Variants in TCERG1 observed in about 807,000 individuals in gnomAD.
TCERG1 encodes transcription elongation regulator 1.
TCERG1 carries 37 observed loss-of-function variants against 144.7 expected under a neutral mutation model. That is an observed-to-expected ratio of 0.26 (90% CI 0.20 to 0.34). The LOEUF (loss-of-function observed/expected upper bound fraction) is 0.34. Ranked by LOEUF, TCERG1 falls within the 10% of genes least tolerant of loss-of-function variation. The pLI is 1.00. For synonymous variants in TCERG1, 492 were observed against 458.2 expected, an observed-to-expected ratio of 1.07 and a Z score of -0.94; for missense variants, 1,027 against 1,380.7, an observed-to-expected ratio of 0.74 and a Z score of 4.06.
Position 146,492,926 on chromosome 5 carries a change from G to T in TCERG1, c.2170G>T (p.Asp724Tyr). Residue 724 changes from aspartate (D) to tyrosine (Y), a missense_variant, in exon 16 of 23, where the codon GAT becomes TAT. This residue lies in a region of TCERG1 where 482 missense variants were observed against 632.6 expected (regional missense o/e 0.76). Transcript: ENST00000679501. ...LNPKERKQVF[D>Y]QYVKTRAEEE... ...TTGTTGATTTTTATAATAGGTGTTT[G>T]ATCAGTATGTAAAGACCAGGGCAGA... 6.2e-7 allele frequency: 1 copy of T among 1,602,794 alleles called. No homozygotes were observed. The highest frequency in any genetic ancestry group is 1.1e-5 in the South Asian group (1 of 89,236).
At chr5:146,449,318 A>G (rs1367988802) in intron 1 of TCERG1, among the ~76,000 whole-genome samples, 3 of 152,232 alleles carry the variant, frequency 2.0e-5, no homozygotes, top group Non-Finnish European at 4.4e-5. Context: ...TTGCTGACCT[A>G]GGTGCTGGTA....
At chr5:146,484,189 T>G (rs1017364854) in intron 15 of TCERG1, among the ~76,000 whole-genome samples, 11 of 152,146 alleles carry the variant, frequency 7.2e-5, no homozygotes, top group African/African-American at 2.7e-4. Flanking sequence ...CTAAGTAGCA[T>G]CTGTTAAAAT....
chr5:146,502,051 C>T (rs1448367693), intron 17 of TCERG1, among the ~76,000 whole-genome samples: 2 of 151,950 alleles, frequency 1.3e-5, no homozygotes, highest in Non-Finnish European at 2.9e-5. Context: ...CCTGCCACCA[C>T]ACCCAGCTAA....
Position 146,459,128 on chromosome 5 carries a change from A to G in TCERG1, c.683A>G (p.Gln228Arg), listed in dbSNP as rs1763114906. 16 of 1,603,272 alleles carry G rather than the reference A, an allele frequency of 1.0e-5. No homozygotes were observed. The highest frequency in any genetic ancestry group is 1.2e-5 in the Non-Finnish European group (14 of 1,171,686). Residue 228 changes from glutamine (Q) to arginine (R), a missense_variant, in exon 4 of 23, where the codon CAG becomes CGG. Physicochemically the swap from Gln to Arg is conservative, Grantham distance 43 (BLOSUM62 1). Coordinates refer to ENST00000679501, the MANE Select transcript of TCERG1 (RefSeq NM_001382548.1). The part of the protein sequence containing the change: ...QAQAQAQAQA[Q>R]AQAQAQAQAQ... ...CAGGCCCAAGCCCAAGCCCAGGCCC[A>G]GGCTCAGGCTCAGGCACAAGCTCAG...
chr5:146,507,751 T>C lies in TCERG1; in HGVS notation c.2962-122T>C. The C allele has an allele frequency of 3.4e-6, 2 of 591,442 alleles. No individual in the cohort carries two copies. The highest frequency in any genetic ancestry group is 5.7e-6 in the Non-Finnish European group (2 of 350,584). 36.6% of individuals were successfully genotyped at this position (591,442 alleles called of 1,614,324 possible). On this transcript the variant is annotated intron_variant, in intron 20 of 22. Coordinates refer to ENST00000679501, the MANE Select transcript of TCERG1 (RefSeq NM_001382548.1). The surrounding 1 kb of genome is among the most constrained non-coding windows in gnomAD (Gnocchi z 4.6). ...CTTCCCTGTCCCTAACTAGTCCAGT[T>C]ACGCTTGGGCATTACAAGAGATCGC... is the stretch of plus-strand genomic sequence containing the variant.
At position 146,511,646 on chromosome 5, in the gene TCERG1, A is replaced by G. The variant is rs546321353; in HGVS notation, c.*1004A>G. The G allele has an allele frequency of 9.8e-4, 149 of 152,798 alleles. 1 individual carries two copies. The highest frequency in any genetic ancestry group is 3.4e-3 in the African/African-American group (142 of 41,596). 9.5% of individuals were successfully genotyped at this position (152,798 alleles called of 1,614,324 possible). On this transcript the variant is annotated 3_prime_UTR_variant, in exon 23 of 23. Coordinates refer to ENST00000679501, the MANE Select transcript of TCERG1 (RefSeq NM_001382548.1). Reference sequence around the variant, plus strand: ...TTACCTAGTTTTTAAAGGTTTGAATATAATAATGCAGTATTTGCAGTATAA... The same window carrying G: ...TTACCTAGTTTTTAAAGGTTTGAATGTAATAATGCAGTATTTGCAGTATAA...
Position 146,454,522 on chromosome 5 carries a change from G to A in TCERG1, c.60-534G>A, listed in dbSNP as rs186966530. ...CTTGTCTAAATTTTTGCCTAGACTC[G>A]GCATCCATTGATCATTCATCCAAAA... On this transcript the variant is annotated intron_variant, in intron 1 of 22. Coordinates refer to ENST00000679501, the MANE Select transcript of TCERG1 (RefSeq NM_001382548.1). 3.4e-3 allele frequency among the ~76,000 whole-genome samples: 510 copies of A among 151,496 alleles called. 1 individual carries two copies. The highest frequency in any genetic ancestry group is 4.9e-3 in the Non-Finnish European group (331 of 67,904).
At chr5:146,478,453 T>C (rs775438173) in intron 9 of TCERG1, 40 bp from the exon 10 acceptor site, 1 of 1,529,970 alleles carries the variant, frequency 6.5e-7, no homozygotes, top group Admixed American at 2.2e-5. Flanking sequence ...TAAAATATGT[T>C]CTGTAACATA....
chr5:146,510,905 G>C lies in TCERG1; in HGVS notation c.*263G>C. The C allele has an allele frequency of 3.6e-6, 1 of 274,332 alleles. No individual in the cohort carries two copies. Among genetic ancestry groups the C allele is most frequent in the Non-Finnish European group, 6.8e-6 (1 of 147,084 alleles). 17.0% of individuals were successfully genotyped at this position (274,332 alleles called of 1,614,324 possible). ...GAAGCTAAAATTCATCCTTTTATGAGGTGTGGAAGTCAGTGACTTGGTGAC... is the reference window on the plus strand; with the variant it reads ...GAAGCTAAAATTCATCCTTTTATGACGTGTGGAAGTCAGTGACTTGGTGAC... On this transcript the variant is annotated 3_prime_UTR_variant, in exon 23 of 23. Coordinates refer to ENST00000679501, the MANE Select transcript of TCERG1 (RefSeq NM_001382548.1).
intron 19 of TCERG1, among the ~76,000 whole-genome samples, chr5:146,504,917 G>C (rs573550646): frequency 1.6e-4 from 24 of 152,078 alleles, no homozygotes; most frequent in Non-Finnish European, 3.1e-4. Context: ...GTGGTGGTGC[G>C]TGCCTGTAGT....
chr5:146,499,253 A>G (rs1378222825), intron 17 of TCERG1, among the ~76,000 whole-genome samples: 1 of 152,194 alleles, frequency 6.6e-6, no homozygotes, highest in Non-Finnish European at 1.5e-5. Flanking sequence ...TGTGTGAACC[A>G]TCAAAACATG....
Position 146,511,112 on chromosome 5 carries a change from A to G in TCERG1, c.*470A>G, listed in dbSNP as rs974140313. On this transcript the variant is annotated 3_prime_UTR_variant, in exon 23 of 23. Coordinates refer to ENST00000679501, the MANE Select transcript of TCERG1 (RefSeq NM_001382548.1). ...ATTGAATTCTTATCTTCCAGAGGCT[A>G]CAATTATTATAATGGACAATACTTT... 3.3e-5 allele frequency: 5 copies of G among 152,700 alleles called. No individual in the cohort carries two copies. Among genetic ancestry groups the G allele is most frequent in the African/African-American group, 1.2e-4 (5 of 41,436 alleles). The allele number at this position is 152,700 out of a possible 1,614,324, so 9.5% of individuals were successfully genotyped here. A position where few individuals can be genotyped will look rare whatever the true frequency, so the allele number is the denominator to read the frequency against.
intron 1 of TCERG1, among the ~76,000 whole-genome samples, chr5:146,451,010 G>A (rs1222548949): frequency 6.6e-6 from 1 of 152,150 alleles, no homozygotes; most frequent in African/African-American, 2.4e-5. Flanking sequence ...AACAAAAGAC[G>A]GAGTCCTAAC....
chr5:146,503,705 T>G, intron 18 of TCERG1, 119 bp from the exon 19 acceptor site: 1 of 1,362,774 alleles, frequency 7.3e-7, no homozygotes, highest in Admixed American at 2.5e-5. Context: ...TACACAGTGT[T>G]TAGGTATATT....
chr5:146,502,053 C>G (rs561198377), intron 17 of TCERG1, among the ~76,000 whole-genome samples: 1 of 151,946 alleles, frequency 6.6e-6, no homozygotes, highest in Non-Finnish European at 1.5e-5. Context: ...TGCCACCACA[C>G]CCAGCTAACT....
intron 9 of TCERG1, among the ~76,000 whole-genome samples, chr5:146,477,100 T>C (rs1249634766): frequency 6.6e-6 from 1 of 152,124 alleles, no homozygotes; most frequent in Admixed American, 6.5e-5. Context: ...GATTGTTTCC[T>C]GGCGTCTCCA....
At chr5:146,469,854 T>C (rs569419213) in intron 7 of TCERG1, 110 bp downstream of exon 7, 1 of 765,748 alleles carries the variant, frequency 1.3e-6, no homozygotes, top group African/African-American at 1.8e-5. Flanking sequence ...ATTTTCTAAT[T>C]ACACAGTCAT....
chr5:146,483,448 T>G (rs1260087215), intron 14 of TCERG1, 92 bp from the exon 15 acceptor site: 1 of 1,109,546 alleles, frequency 9.0e-7, no homozygotes, highest in African/African-American at 1.6e-5. Flanking sequence ...GTCTCCTTTA[T>G]AAACAGATAT....
intron 9 of TCERG1, among the ~76,000 whole-genome samples, chr5:146,473,282 C>A (rs1764519728): frequency 6.6e-6 from 1 of 152,134 alleles, no homozygotes; most frequent in African/African-American, 2.4e-5. Context: ...CAAGAGATGC[C>A]CTACCTGCCC....
Sources: gnomAD v4.1 joint callset for allele counts (sites outside exome capture counted in the v4.1 genomes callset) on GRCh38, gnomAD v4.1.1 for gene constraint, gnomAD v4.1.1 regional missense constraint, Gnocchi (gnomAD v3.1) non-coding constraint, MANE v1.5 for transcripts, NCBI Gene and HGNC (gene_info 2026-07-23, HGNC 2026-07-21) for gene names.